THOC7: variants seen among roughly 807,000 people sequenced by gnomAD.
The protein encoded by THOC7 is NIF3L1-binding protein 1.
THOC7 carries 22 observed loss-of-function variants against 33.1 expected under a neutral mutation model. The observed-to-expected ratio is 0.66, with a 90% confidence interval of 0.47 to 0.95. The LOEUF (loss-of-function observed/expected upper bound fraction) is 0.95, where lower values mean the gene tolerates loss of function less well. THOC7 is among the 40% of genes least tolerant of loss of function. The pLI is 0.00. For synonymous variants in THOC7, 77 were observed against 76.8 expected, an observed-to-expected ratio of 1.00 and a Z score of -0.01; for missense variants, 184 against 245.3, an observed-to-expected ratio of 0.75 and a Z score of 1.67.
intron 4 of THOC7, among the ~76,000 whole-genome samples, chr3:63,837,058 C>T (rs1297576191): frequency 6.6e-6 from 1 of 151,434 alleles, no homozygotes; most frequent in Admixed American, 6.6e-5. Flanking sequence ...AAAAAAAAAA[C>T]TTGTAAAAAG....
intron 1 of THOC7, among the ~76,000 whole-genome samples, chr3:63,856,529 A>AT (rs1702118820): frequency 6.6e-6 from 1 of 152,142 alleles, no homozygotes; most frequent in Non-Finnish European, 1.5e-5. Flanking sequence ...CGCACCTACT[A>AT]TATCACTTAA....
intron 1 of THOC7, among the ~76,000 whole-genome samples, chr3:63,856,703 T>A (rs531996569): frequency 1.3e-5 from 2 of 152,196 alleles, no homozygotes; most frequent in African/African-American, 4.8e-5. Flanking sequence ...ACACACTTAA[T>A]CTACACAACA....
intron 1 of THOC7, among the ~76,000 whole-genome samples, chr3:63,843,902 GA>G (rs921375070): frequency 9.4e-5 from 13 of 138,308 alleles, no homozygotes; most frequent in East Asian, 8.5e-4. Context: ...CTCCGTCTCA[GA>G]AAAAAAAAAA....
chr3:63,863,832 A>G, upstream of THOC7: 2 of 1,218,592 alleles, frequency 1.6e-6, no homozygotes, highest in South Asian at 4.0e-5. Flanking sequence ...GCGCAAGCTG[A>G]GGCGGCGGTT....
rs764689494 is a variant in THOC7, at chr3:63,835,436, G to A, written c.411-46C>T. Reference sequence around the variant, plus strand: ...TTACATTTTGCTGAATGGGGGAGAAGAGTTTACAATTAATGCCTAACTTTT... The same window carrying A: ...TTACATTTTGCTGAATGGGGGAGAAAAGTTTACAATTAATGCCTAACTTTT... On this transcript the variant is annotated intron_variant, in intron 5 of 7. Transcript: ENST00000295899. 2.6e-6 allele frequency: 4 copies of A among 1,568,194 alleles called. No individual in the cohort carries two copies. In the Admixed American group the frequency reaches 6.8e-5, roughly 27 times the overall value.
In THOC7 at chr3:63,834,125, A is replaced by G; in HGVS notation, c.*7T>C. The G allele has an allele frequency of 6.2e-7, 1 of 1,613,920 alleles. No homozygotes were observed. The highest frequency in any genetic ancestry group is 8.5e-7 in the Non-Finnish European group (1 of 1,179,932). Reference sequence around the variant, plus strand: ...ATATTCCTGGGAGTGGTGGGCAATTAGCCTGTCTATGGCTTAGGATCTGTT... The same window carrying G: ...ATATTCCTGGGAGTGGTGGGCAATTGGCCTGTCTATGGCTTAGGATCTGTT... On this transcript the variant is annotated 3_prime_UTR_variant, in exon 8 of 8. Coordinates refer to ENST00000295899, the MANE Select transcript of THOC7 (RefSeq NM_025075.4).
intron 1 of THOC7, among the ~76,000 whole-genome samples, chr3:63,843,627 G>T (rs1490759479): frequency 6.6e-6 from 1 of 152,118 alleles, no homozygotes; most frequent in African/African-American, 2.4e-5. Flanking sequence ...TGGGCTGGGC[G>T]TGGTGGCTCA....
chr3:63,863,140 T>C lies in THOC7; in HGVS notation c.19+632A>G, dbSNP rs149562653. 722 of 152,656 alleles carry C rather than the reference T, an allele frequency of 4.7e-3. 2 individuals are homozygous for C. The highest frequency in any genetic ancestry group is 7.6e-3 in the Non-Finnish European group (520 of 68,376). 9.5% of individuals were successfully genotyped at this position (152,656 alleles called of 1,614,324 possible). A position where few individuals can be genotyped will look rare whatever the true frequency, so the allele number is the denominator to read the frequency against. ...TTATAAATAATTCCCTGCTCCTCCT[T>C]CTCACCCACAATCCACTCGCAGTTC... On this transcript the variant is annotated intron_variant, in intron 1 of 7. Transcript: ENST00000295899.
intron 7 of THOC7, 129 bp downstream of exon 7, chr3:63,835,025 C>T (rs867863832): frequency 9.4e-6 from 8 of 851,190 alleles, no homozygotes; most frequent in Middle Eastern, 3.0e-4. Context: ...TACCTTCTAA[C>T]GTCATCCAGC....
chr3:63,833,928 TA>T lies in THOC7; in HGVS notation c.*203del. 4.1e-6 allele frequency: 2 copies of T among 486,652 alleles called. No individual in the cohort carries two copies. Among genetic ancestry groups the T allele is most frequent in the East Asian group, 3.4e-5 (1 of 29,422 alleles). The allele number at this position is 486,652 out of a possible 1,614,324, so 30.1% of individuals were successfully genotyped here. A position where few individuals can be genotyped will look rare whatever the true frequency, so the allele number is the denominator to read the frequency against. On this transcript the variant is annotated 3_prime_UTR_variant, in exon 8 of 8. Transcript: ENST00000295899. ...GATGTTGCTTCCTACCACTTAAGAA[TA>T]AAAAATGCATTTTAATAAAAACAAA...
At chr3:63,845,081 A>T (rs1255265912) in intron 1 of THOC7, 2 of 697,556 alleles carry the variant, frequency 2.9e-6, no homozygotes, top group South Asian at 3.0e-5. Context: ...ACACAGGAAA[A>T]GGTGATGCTA....
intron 1 of THOC7, among the ~76,000 whole-genome samples, chr3:63,853,647 G>A (rs756346151): frequency 6.6e-6 from 1 of 152,166 alleles, no homozygotes; most frequent in African/African-American, 2.4e-5. Context: ...TATGGCTCAC[G>A]CCTGTAATCC....
chr3:63,837,085 T>C lies in THOC7; in HGVS notation c.353-727A>G, dbSNP rs560759203. On this transcript the variant is annotated intron_variant, in intron 4 of 7. Coordinates refer to ENST00000295899, the MANE Select transcript of THOC7 (RefSeq NM_025075.4). Reference sequence around the variant, plus strand: ...TGTAAAAAGAGGAAATTAAGCTTCATCTTAATTAGTTCATTAAAAAGTGAA... The same window carrying C: ...TGTAAAAAGAGGAAATTAAGCTTCACCTTAATTAGTTCATTAAAAAGTGAA... 1.6e-3 allele frequency among the ~76,000 whole-genome samples: 249 copies of C among 152,110 alleles called. 4 individuals are homozygous for C. Among genetic ancestry groups the C allele is most frequent in the African/African-American group, 5.8e-3 (241 of 41,570 alleles).
At chr3:63,835,262 A>G in intron 6 of THOC7, 39 bp from the exon 7 acceptor site, 1 of 1,610,642 alleles carries the variant, frequency 6.2e-7, no homozygotes, top group Non-Finnish European at 8.5e-7. Flanking sequence ...AATGACCTGT[A>G]TATATAGATA....
intron 1 of THOC7, among the ~76,000 whole-genome samples, chr3:63,848,860 C>T (rs987264725): frequency 6.6e-6 from 1 of 152,054 alleles, no homozygotes; most frequent in African/African-American, 2.4e-5. Context: ...TAGCTTACAG[C>T]AATTTGGTAA....
At chr3:63,840,983 T>C (rs1324806527) in intron 1 of THOC7, among the ~76,000 whole-genome samples, 3 of 152,224 alleles carry the variant, frequency 2.0e-5, no homozygotes, top group Non-Finnish European at 4.4e-5. Context: ...CATAAAGGGA[T>C]GTTCTTAGTG....
intron 1 of THOC7, among the ~76,000 whole-genome samples, chr3:63,840,326 G>T (rs1351002985): frequency 6.6e-6 from 1 of 152,124 alleles, no homozygotes; most frequent in African/African-American, 2.4e-5. Flanking sequence ...GGATTTGTTA[G>T]ATAAACATAT....
rs376607847 is a variant in THOC7, at chr3:63,836,403, G to A, written c.353-45C>T. On this transcript the variant is annotated intron_variant, in intron 4 of 7. Coordinates refer to ENST00000295899, the MANE Select transcript of THOC7 (RefSeq NM_025075.4). Reference sequence around the variant, plus strand: ...TTATCAAACTAAGGATTTTTTGAATGTGAATTATCAAAACAAAATGTGTAA... The same window carrying A: ...TTATCAAACTAAGGATTTTTTGAATATGAATTATCAAAACAAAATGTGTAA... The A allele has an allele frequency of 1.4e-4, 220 of 1,580,686 alleles. 1 individual carries two copies. The Middle Eastern group carries it at 3.5e-3, about 25-fold the overall frequency.
chr3:63,856,937 C>A (rs920584875), intron 1 of THOC7, among the ~76,000 whole-genome samples: 11 of 152,160 alleles, frequency 7.2e-5, no homozygotes, highest in South Asian at 2.1e-4. Context: ...CCAGGATGGT[C>A]TTGAACGCCT....
Sources: gnomAD v4.1 joint callset for allele counts (sites outside exome capture counted in the v4.1 genomes callset) on GRCh38, gnomAD v4.1.1 for gene constraint, MANE v1.5 for transcripts, NCBI Gene and HGNC (gene_info 2026-07-23, HGNC 2026-07-21) for gene names.